Variants in CCDC148 observed in about 807,000 individuals in gnomAD.
CCDC148 encodes coiled-coil domain-containing protein 148.
In CCDC148, 89 loss-of-function variants were observed where a neutral mutation model predicts 85.7. The observed-to-expected ratio is 1.04, with a 90% CI of 0.87 to 1.24. The LOEUF (loss-of-function observed/expected upper bound fraction) is 1.24, where lower values mean the gene tolerates loss of function less well. Among genes scored for constraint, CCDC148 ranks in the 50% most tolerant of loss-of-function variants. The probability of loss-of-function intolerance (pLI) is 0.00; values close to 1 mark genes in which losing one functional copy is unlikely to be tolerated. For synonymous variants in CCDC148, 230 were observed against 213.9 expected, an observed-to-expected ratio of 1.08 and a Z score of -0.66; for missense variants, 692 against 671.7, an observed-to-expected ratio of 1.03 and a Z score of -0.33.
At chr2:158,201,498 G>C (rs1685951220) in intron 11 of CCDC148, among the ~76,000 whole-genome samples, 1 of 151,742 alleles carries the variant, frequency 6.6e-6, no homozygotes. Flanking sequence ...CAACCTCCAT[G>C]TCCCAGGCTC....
intron 9 of CCDC148, among the ~76,000 whole-genome samples, chr2:158,284,054 C>T (rs1318660282): frequency 1.4e-5 from 2 of 145,368 alleles, no homozygotes; most frequent in Non-Finnish European, 3.0e-5. Context: ...CATATTCTCA[C>T]TCATACGTGG....
At position 158,216,779 on chromosome 2, in the gene CCDC148, G is replaced by GA. The variant is rs1322656997; in HGVS notation, c.1370+3815dup. Among the ~76,000 whole-genome samples, 8 of 152,116 alleles carry GA rather than the reference G, an allele frequency of 5.3e-5. No individual in the cohort carries two copies. In the South Asian group the frequency reaches 1.5e-3, roughly 28 times the overall value. ...TGGCCTTCTTGCTTTAATATTTTGA[G>GA]AAAAAATACATTAGTATTTTGTGAT... is the stretch of plus-strand genomic sequence containing the variant. On this transcript the variant is annotated intron_variant, in intron 11 of 13. Coordinates refer to ENST00000283233, the MANE Select transcript of CCDC148 (RefSeq NM_138803.4).
chr2:158,322,277 A>G (rs1267261160), intron 7 of CCDC148, among the ~76,000 whole-genome samples: 1 of 152,176 alleles, frequency 6.6e-6, no homozygotes, highest in East Asian at 1.9e-4. Flanking sequence ...AAATTGGTTA[A>G]ATGTATGTGA....
At chr2:158,438,157 G>A (rs151145374) in intron 1 of CCDC148, among the ~76,000 whole-genome samples, 4,719 of 152,096 alleles carry the variant, frequency 0.031, 84 homozygotes, top group Middle Eastern at 0.1. Flanking sequence ...AAAAGAGCCC[G>A]CGTTGCCAAG....
chr2:158,377,556 T>C (rs975779117), intron 1 of CCDC148, among the ~76,000 whole-genome samples: 8 of 152,000 alleles, frequency 5.3e-5, no homozygotes, highest in Non-Finnish European at 1.0e-4. Context: ...CTCATACACA[T>C]TGTTGGTGGG....
intron 10 of CCDC148, among the ~76,000 whole-genome samples, chr2:158,241,519 A>G (rs1688349947): frequency 1.3e-5 from 2 of 152,140 alleles, no homozygotes. Context: ...TAATTGCATG[A>G]GGTATGGAGA....
intron 7 of CCDC148, among the ~76,000 whole-genome samples, chr2:158,335,224 G>A (rs980497367): frequency 6.6e-6 from 1 of 152,134 alleles, no homozygotes; most frequent in Non-Finnish European, 1.5e-5. Context: ...TGCTTTCTTG[G>A]TAACATCCAT....
intron 2 of CCDC148, among the ~76,000 whole-genome samples, chr2:158,354,043 C>A (rs1193867615): frequency 1.3e-5 from 2 of 152,088 alleles, no homozygotes; most frequent in East Asian, 3.9e-4. Flanking sequence ...AACAAAGACA[C>A]AACATACCAG....
chr2:158,331,694 A>G (rs1265474707), intron 7 of CCDC148, among the ~76,000 whole-genome samples: 1 of 152,158 alleles, frequency 6.6e-6, no homozygotes, highest in Non-Finnish European at 1.5e-5. Context: ...GTGCTCCTGT[A>G]TTGGGTGCAC....
chr2:158,406,778 A>T (rs1455307219), intron 1 of CCDC148, among the ~76,000 whole-genome samples: 1 of 151,658 alleles, frequency 6.6e-6, no homozygotes, highest in African/African-American at 2.4e-5. Context: ...ATGCACTGCC[A>T]TGCCCAGCTA....
At chr2:158,362,429 G>A (rs547968412) in intron 1 of CCDC148, among the ~76,000 whole-genome samples, 4 of 152,014 alleles carry the variant, frequency 2.6e-5, no homozygotes, top group Non-Finnish European at 4.4e-5. Flanking sequence ...GAAGTAAAAC[G>A]CTCCTCAGCA....
At chr2:158,280,282 G>T (rs998454602) in intron 9 of CCDC148, among the ~76,000 whole-genome samples, 1 of 152,102 alleles carries the variant, frequency 6.6e-6, no homozygotes, top group Non-Finnish European at 1.5e-5. Flanking sequence ...AACAATATTA[G>T]CTTTAAATGT....
intron 1 of CCDC148, among the ~76,000 whole-genome samples, chr2:158,405,541 C>A (rs1357147296): frequency 6.8e-6 from 1 of 146,996 alleles, no homozygotes; most frequent in Non-Finnish European, 1.5e-5. Context: ...CCCAGATTTT[C>A]GCTGAATTTG....
chr2:158,322,300 T>C (rs528278533), intron 7 of CCDC148, among the ~76,000 whole-genome samples: 1 of 152,250 alleles, frequency 6.6e-6, no homozygotes, highest in East Asian at 1.9e-4. Flanking sequence ...CAGTCATACA[T>C]TGTAATACTA....
At position 158,300,755 on chromosome 2, in the gene CCDC148, G is replaced by A. The variant is rs575251002; in HGVS notation, c.1110+8678C>T. Among the ~76,000 whole-genome samples the A allele has an allele frequency of 8.5e-5, 13 of 152,262 alleles. No individual in the cohort carries two copies. In the East Asian group the frequency reaches 1.4e-3, roughly 16 times the overall value. ...AAGAAAGGAGGCTAGAAAGAAAGCCGGGGTCCAAATTACTGAAAACCTGGA... is the reference window on the plus strand; with the variant it reads ...AAGAAAGGAGGCTAGAAAGAAAGCCAGGGTCCAAATTACTGAAAACCTGGA... On this transcript the variant is annotated intron_variant, in intron 9 of 13. Coordinates refer to ENST00000283233, the MANE Select transcript of CCDC148 (RefSeq NM_138803.4).
intron 1 of CCDC148, among the ~76,000 whole-genome samples, chr2:158,437,810 C>T (rs192354340): frequency 6.6e-6 from 1 of 152,296 alleles, no homozygotes; most frequent in Non-Finnish European, 1.5e-5. Context: ...GTGCAAAAAG[C>T]ACAAGCATTC....
At chr2:158,347,614 T>G (rs1683058503) in intron 2 of CCDC148, among the ~76,000 whole-genome samples, 2 of 152,104 alleles carry the variant, frequency 1.3e-5, no homozygotes, top group African/African-American at 4.8e-5. Flanking sequence ...TCAAAAATAC[T>G]CTGGAAACAT....
rs910504325 is a variant in CCDC148 at position 158,418,721 on chromosome 2, T to G, written c.25+37694A>C. Among the ~76,000 whole-genome samples the G allele has an allele frequency of 4.6e-5, 7 of 152,030 alleles. 1 individual carries two copies. The highest frequency in any genetic ancestry group is 9.6e-5 in the African/African-American group (4 of 41,484). On this transcript the variant is annotated intron_variant, in intron 1 of 13. Transcript: ENST00000283233. Reference sequence around the variant, plus strand: ...CAAACAATTATCACTATTTTTTTTTTGGTTGCTTGTCTGTCTTTCCTCACT... The same window carrying G: ...CAAACAATTATCACTATTTTTTTTTGGGTTGCTTGTCTGTCTTTCCTCACT...
chr2:158,235,264 T>C (rs1688050835), intron 10 of CCDC148, among the ~76,000 whole-genome samples: 1 of 152,226 alleles, frequency 6.6e-6, no homozygotes, highest in African/African-American at 2.4e-5. Flanking sequence ...GCATAACTAT[T>C]ATTCATTCCT....
Sources: allele counts gnomAD v4.1 joint callset (sites outside exome capture counted in the v4.1 genomes callset), GRCh38; gene constraint gnomAD v4.1.1; transcripts MANE v1.5; gene names NCBI Gene and HGNC (gene_info 2026-07-23, HGNC 2026-07-21).